Variants in ADARB2 observed in about 807,000 individuals in gnomAD.
ADARB2 encodes adenosine deaminase RNA specific B2 (inactive).
A neutral mutation model predicts 62.2 loss-of-function variants in ADARB2; 25 were observed. That is an observed-to-expected ratio of 0.40 (90% CI 0.29 to 0.56). The LOEUF (loss-of-function observed/expected upper bound fraction) is 0.56, where lower values mean the gene tolerates loss of function less well. Among genes scored for constraint, ADARB2 ranks in the 20% least tolerant of loss-of-function variants. ADARB2 has a pLI of 0.43. For missense variants in ADARB2, 1,071 were observed against 1,077.4 expected (o/e 0.99, Z 0.08); for synonymous variants, 572 against 500.8 (o/e 1.14, Z -1.90).
intron 3 of ADARB2, among the ~76,000 whole-genome samples, chr10:1,280,594 T>G (rs369130500): frequency 6.6e-6 from 1 of 151,332 alleles, no homozygotes; most frequent in African/African-American, 2.5e-5. Context: ...CTCCGTGAAA[T>G]TCCTGAGTGA....
chr10:1,728,611 T>A (rs77393221), intron 1 of ADARB2, among the ~76,000 whole-genome samples: 2,028 of 152,320 alleles, frequency 0.013, 40 homozygotes, highest in African/African-American at 0.047. Context: ...CTGTCATGAT[T>A]TAACTTCCCT....
intron 1 of ADARB2, among the ~76,000 whole-genome samples, chr10:1,424,074 ATGTATGCAGTAGGTCCACTG>A (rs1832875091): frequency 6.6e-6 from 1 of 151,860 alleles, no homozygotes; most frequent in Non-Finnish European, 1.5e-5. Context: ...TGGGACCACT[ATGTATGCAGTAGGTCCACTG>A]TGTATGCAGA....
chr10:1,622,694 T>C (rs1299040656), intron 1 of ADARB2, among the ~76,000 whole-genome samples: 2 of 152,202 alleles, frequency 1.3e-5, no homozygotes, highest in African/African-American at 2.4e-5. Context: ...GGATGAACTA[T>C]GAAAAGAGGC....
At chr10:1,371,069 A>G (rs1832365647) in intron 2 of ADARB2, among the ~76,000 whole-genome samples, 1 of 152,220 alleles carries the variant, frequency 6.6e-6, no homozygotes, top group Non-Finnish European at 1.5e-5. Context: ...AGTCTATAGT[A>G]AGAACAGGAT....
chr10:1,493,729 C>CTTTTTTTTTTTTTTTTTTTTT (rs555812632), intron 1 of ADARB2, among the ~76,000 whole-genome samples: 2 of 56,812 alleles, frequency 3.5e-5, no homozygotes, highest in South Asian at 7.5e-4. Context: ...ATATGGCATT[C>CTTTTTTTTTTTTTTTTTTTTT]TTTTTTTTTT....
intron 3 of ADARB2, among the ~76,000 whole-genome samples, chr10:1,316,278 G>A (rs1831738401): frequency 6.6e-6 from 1 of 152,226 alleles, no homozygotes; most frequent in East Asian, 1.9e-4. Context: ...GGAGTGGATG[G>A]TGCCAGGCTG....
chr10:1,520,455 A>G (rs1241333510), intron 1 of ADARB2, among the ~76,000 whole-genome samples: 1 of 152,210 alleles, frequency 6.6e-6, no homozygotes, highest in East Asian at 1.9e-4. Flanking sequence ...GCCATACTTT[A>G]TATTTTTTAA....
intron 1 of ADARB2, among the ~76,000 whole-genome samples, chr10:1,714,300 C>T (rs1213508448): frequency 3.3e-5 from 5 of 152,192 alleles, no homozygotes; most frequent in African/African-American, 9.7e-5. Context: ...TATCTAGAAC[C>T]GGCATGAGGA....
chr10:1,421,399 A>G (rs1255777594), intron 1 of ADARB2, among the ~76,000 whole-genome samples: 3 of 152,058 alleles, frequency 2.0e-5, no homozygotes, highest in South Asian at 2.1e-4. Context: ...CACAGAAGTC[A>G]CTAAATCTTT....
chr10:1,527,052 A>G (rs1008157183), intron 1 of ADARB2, among the ~76,000 whole-genome samples: 4 of 152,242 alleles, frequency 2.6e-5, no homozygotes, highest in African/African-American at 9.6e-5. Flanking sequence ...GGATGATATT[A>G]ACCAAGTGAC....
At chr10:1,390,827 C>CT (rs1200016998) in intron 1 of ADARB2, among the ~76,000 whole-genome samples, 1 of 152,184 alleles carries the variant, frequency 6.6e-6, no homozygotes, top group African/African-American at 2.4e-5. Flanking sequence ...CAAACAAGAG[C>CT]TCCAGAAAGC....
chr10:1,370,267 A>AT (rs1832356855), intron 2 of ADARB2, among the ~76,000 whole-genome samples: 2 of 49,084 alleles, frequency 4.1e-5, no homozygotes, highest in Non-Finnish European at 2.5e-4. Context: ...TCATGATAAA[A>AT]ACTGTCAACA....
chr10:1,658,990 C>A (rs145201377), intron 1 of ADARB2, among the ~76,000 whole-genome samples: 2 of 152,302 alleles, frequency 1.3e-5, no homozygotes, highest in East Asian at 3.9e-4. Context: ...TGAATTCACT[C>A]AAGTTGTGGT....
chr10:1,696,094 T>C (rs1480446317), intron 1 of ADARB2, among the ~76,000 whole-genome samples: 2 of 151,762 alleles, frequency 1.3e-5, no homozygotes, highest in African/African-American at 4.8e-5. Flanking sequence ...CATGTCTGTG[T>C]GCATATATGC....
chr10:1,284,799 C>A (rs75677112), intron 3 of ADARB2, among the ~76,000 whole-genome samples: 1 of 152,112 alleles, frequency 6.6e-6, no homozygotes, highest in Non-Finnish European at 1.5e-5. Context: ...TGTAAATCCT[C>A]GAGATATAGA....
intron 1 of ADARB2, among the ~76,000 whole-genome samples, chr10:1,731,787 C>G (rs1033044799): frequency 6.6e-6 from 1 of 152,212 alleles, no homozygotes; most frequent in Non-Finnish European, 1.5e-5. Flanking sequence ...ATCCTAACCA[C>G]AGAGACGGCA....
At chr10:1,555,103 A>G (rs2131981406) in intron 1 of ADARB2, among the ~76,000 whole-genome samples, 1 of 152,322 alleles carries the variant, frequency 6.6e-6, no homozygotes, top group African/African-American at 2.4e-5. Context: ...TCAATGTGCC[A>G]CATTTTCTTT....
chr10:1,617,649 T>C (rs2132024970), intron 1 of ADARB2, among the ~76,000 whole-genome samples: 1 of 149,288 alleles, frequency 6.7e-6, no homozygotes, highest in East Asian at 2.0e-4. Context: ...ATTCTGTTGC[T>C]AGATGTTTGT....
At chr10:1,447,542 A>G (rs1830986407) in intron 1 of ADARB2, among the ~76,000 whole-genome samples, 1 of 150,380 alleles carries the variant, frequency 6.6e-6, no homozygotes, top group Non-Finnish European at 1.5e-5. Context: ...GACAGATCAT[A>G]TGTAATTTTT....
Sources: allele counts gnomAD v4.1 joint callset (sites outside exome capture counted in the v4.1 genomes callset), GRCh38; gene constraint gnomAD v4.1.1; transcripts MANE v1.5; gene names NCBI Gene and HGNC (gene_info 2026-07-23, HGNC 2026-07-21).